The following CADM2 variants were observed in gnomAD, a reference collection of about 807,000 sequenced individuals.
CADM2 encodes the protein immunoglobulin superfamily member 4D.
Under a neutral mutation model 49.8 loss-of-function variants are expected in CADM2, and 12 were observed. That is an observed-to-expected ratio of 0.24 (90% CI 0.15 to 0.39). The LOEUF (loss-of-function observed/expected upper bound fraction) is 0.39. Ranked by LOEUF, CADM2 falls within the 10% of genes least tolerant of loss-of-function variation. CADM2 has a pLI of 1.00. For synonymous variants in CADM2, 214 were observed against 175.4 expected (o/e 1.22, Z -1.74); for missense variants, 378 against 492.3 (o/e 0.77, Z 2.20).
chr3:85,939,170 T>C (rs547257185), intron 7 of CADM2, among the ~76,000 whole-genome samples: 1 of 152,140 alleles, frequency 6.6e-6, no homozygotes, highest in African/African-American at 2.4e-5. Flanking sequence ...CAATCATGCC[T>C]ATTTGCCTGC....
chr3:85,584,010 A>C (rs1255377714), intron 1 of CADM2, among the ~76,000 whole-genome samples: 4 of 152,050 alleles, frequency 2.6e-5, no homozygotes, highest in Non-Finnish European at 2.9e-5. Flanking sequence ...TAGATTCAAA[A>C]AATTACTTTC....
chr3:85,808,216 T>C (rs879480700), intron 3 of CADM2, among the ~76,000 whole-genome samples: 8 of 152,166 alleles, frequency 5.3e-5, no homozygotes, highest in Non-Finnish European at 1.2e-4. Flanking sequence ...AAAATAAGAA[T>C]CAAGAGGAAA....
intron 1 of CADM2, among the ~76,000 whole-genome samples, chr3:85,597,232 G>A (rs1055084670): frequency 4.6e-5 from 7 of 151,956 alleles, no homozygotes; most frequent in African/African-American, 7.2e-5. Context: ...GTAAGTACAC[G>A]TAAGAAGCTT....
intron 3 of CADM2, among the ~76,000 whole-genome samples, chr3:85,826,093 T>C (rs2073894831): frequency 6.6e-6 from 1 of 152,094 alleles, no homozygotes; most frequent in Non-Finnish European, 1.5e-5. Context: ...AGTATAATTG[T>C]TGACCTTTTA....
chr3:84,962,947 A>C (rs2107046357), intron 1 of CADM2, among the ~76,000 whole-genome samples: 1 of 152,282 alleles, frequency 6.6e-6, no homozygotes, highest in East Asian at 1.9e-4. Context: ...GTGATAAGCC[A>C]GTGGTGAGAA....
chr3:85,195,682 A>T (rs2041328257), intron 1 of CADM2, among the ~76,000 whole-genome samples: 1 of 152,142 alleles, frequency 6.6e-6, no homozygotes, highest in Middle Eastern at 3.4e-3. Flanking sequence ...ACATGTGTTA[A>T]AAAGCTGAGT....
chr3:85,997,811 A>G (rs1729616971), intron 8 of CADM2, among the ~76,000 whole-genome samples: 2 of 152,170 alleles, frequency 1.3e-5, no homozygotes, highest in Non-Finnish European at 1.5e-5. Flanking sequence ...CAGGTTCTTT[A>G]TAGGGACAGA....
intron 2 of CADM2, among the ~76,000 whole-genome samples, chr3:85,755,062 G>C (rs559501811): frequency 5.3e-5 from 8 of 152,106 alleles, no homozygotes. Context: ...CCAACTGGAC[G>C]TCCTACAATT....
At chr3:85,737,428 C>A (rs2068184746) in intron 2 of CADM2, among the ~76,000 whole-genome samples, 1 of 152,082 alleles carries the variant, frequency 6.6e-6, no homozygotes, top group Non-Finnish European at 1.5e-5. Flanking sequence ...TTGAACAGGG[C>A]AGATGAAAAG....
chr3:85,740,803 C>T (rs1577203893), intron 2 of CADM2, among the ~76,000 whole-genome samples: 1 of 152,316 alleles, frequency 6.6e-6, no homozygotes, highest in Non-Finnish European at 1.5e-5. Context: ...TTTCTTCTGA[C>T]TCACTGTAGC....
At chr3:85,251,969 G>T (rs1353389540) in intron 1 of CADM2, among the ~76,000 whole-genome samples, 1 of 151,836 alleles carries the variant, frequency 6.6e-6, no homozygotes, top group East Asian at 1.9e-4. Flanking sequence ...TTCTCATAAT[G>T]GTCAATATCT....
At chr3:85,518,028 A>T (rs533576803) in intron 1 of CADM2, among the ~76,000 whole-genome samples, 1 of 152,168 alleles carries the variant, frequency 6.6e-6, no homozygotes, top group South Asian at 2.1e-4. Flanking sequence ...TGTGTGTGTG[A>T]CAGAGTCTCT....
intron 1 of CADM2, among the ~76,000 whole-genome samples, chr3:85,273,748 A>G (rs1258574237): frequency 3.0e-5 from 4 of 133,686 alleles, no homozygotes; most frequent in Non-Finnish European, 5.9e-5. Flanking sequence ...ATGTTAAATA[A>G]ACTCTTGGAG....
chr3:85,441,625 T>C (rs1339972360), intron 1 of CADM2, among the ~76,000 whole-genome samples: 3 of 152,088 alleles, frequency 2.0e-5, no homozygotes, highest in Non-Finnish European at 4.4e-5. Context: ...CCCCCAAATA[T>C]GACAGTATTG....
chr3:86,001,244 T>C (rs1205149102), intron 8 of CADM2, among the ~76,000 whole-genome samples: 2 of 152,156 alleles, frequency 1.3e-5, no homozygotes, highest in Non-Finnish European at 2.9e-5. Flanking sequence ...GTTGGGTATT[T>C]GATATCTCCA....
chr3:85,882,023 C>T (rs13087642), intron 3 of CADM2, among the ~76,000 whole-genome samples: 1 of 152,142 alleles, frequency 6.6e-6, no homozygotes, highest in Non-Finnish European at 1.5e-5. Flanking sequence ...TCACCTCCTG[C>T]TGTGTGACCC....
chr3:85,200,168 T>C (rs974368052), intron 1 of CADM2, among the ~76,000 whole-genome samples: 3 of 152,036 alleles, frequency 2.0e-5, no homozygotes, highest in Non-Finnish European at 4.4e-5. Context: ...AAAATTCAGG[T>C]TTATCATATT....
At chr3:85,452,859 C>A (rs575473417) in intron 1 of CADM2, among the ~76,000 whole-genome samples, 2 of 152,194 alleles carry the variant, frequency 1.3e-5, no homozygotes, top group Admixed American at 6.5e-5. Flanking sequence ...CAGCAAGGTC[C>A]TTAACTATAA....
At chr3:85,231,781 C>T (rs373564607) in intron 1 of CADM2, among the ~76,000 whole-genome samples, 14 of 149,168 alleles carry the variant, frequency 9.4e-5, no homozygotes, top group Admixed American at 4.7e-4. Flanking sequence ...GGTGCAATCT[C>T]GGCTCACTGC....
Sources: allele counts gnomAD v4.1 joint callset (sites outside exome capture counted in the v4.1 genomes callset), GRCh38; gene constraint gnomAD v4.1.1; transcripts MANE v1.5; gene names NCBI Gene and HGNC (gene_info 2026-07-23, HGNC 2026-07-21).